Variants in SCARF1 observed in about 807,000 individuals in gnomAD.
SCARF1 encodes scavenger receptor class F member 1.
SCARF1 carries 49 observed loss-of-function variants against 76.3 expected under a neutral mutation model. The ratio of observed to expected loss-of-function variants is 0.64; its 90% CI spans 0.51 to 0.81. The LOEUF is 0.81. Among genes scored for constraint, SCARF1 ranks in the 40% least tolerant of loss-of-function variants. The probability of loss-of-function intolerance (pLI) is 0.00; values close to 1 mark genes in which losing one functional copy is unlikely to be tolerated. For synonymous variants in SCARF1, 495 were observed against 474.6 expected, an observed-to-expected ratio of 1.04 and a Z score of -0.56; for missense variants, 1,098 against 1,143.9, an observed-to-expected ratio of 0.96 and a Z score of 0.58.
In SCARF1 at chr17:1,640,487, C is replaced by A. The variant is rs867414907; in HGVS notation, c.971G>T (p.Gly324Val). 1.3e-6 allele frequency: 2 copies of A among 1,574,828 alleles called. No homozygotes were observed. Among genetic ancestry groups the A allele is most frequent in the South Asian group, 1.2e-5 (1 of 86,842 alleles). The change falls in exon 5 of 11, where the codon GGC becomes GTC. Residue 324 changes from glycine to valine, a missense_variant. By Grantham distance (109) the Gly-to-Val change is moderately radical (BLOSUM62 -3). Transcript: ENST00000263071. This position sits in a 1 kb window ranked among gnomAD's most constrained non-coding sequence, Gnocchi z 4.7. Reference sequence around the variant, plus strand: ...GCCAGGGTCACAGCGCTGACAGTGGCCAGTATCTGGCTCACAGGCCTCCCC... The same window carrying A: ...GCCAGGGTCACAGCGCTGACAGTGGACAGTATCTGGCTCACAGGCCTCCCC... ...RHGEACEPDT[G>V]HCQRCDPGWL... is the part of the protein sequence containing the mutation.
At position 1,635,011 on chromosome 17, in the gene SCARF1, G is replaced by A. The variant is rs775520807; in HGVS notation, c.2240C>T (p.Ser747Phe). 1.2e-6 allele frequency: 2 copies of A among 1,613,906 alleles called. No individual in the cohort carries two copies. Among genetic ancestry groups the A allele is most frequent in the Non-Finnish European group, 1.7e-6 (2 of 1,179,892 alleles). Reference sequence around the variant, plus strand: ...GTTGGGGCTCTGGCCGACAGAGCCAGAGGCAAGGCCAGGGCTGCCCTTTTT... The same window carrying A: ...GTTGGGGCTCTGGCCGACAGAGCCAAAGGCAAGGCCAGGGCTGCCCTTTTT... Reference protein sequence around the residue: ...NRKKGSPGLASGSVGQSPNSA... With the variant: ...NRKKGSPGLAFGSVGQSPNSA... The change falls in exon 11 of 11, where the codon TCT becomes TTT. Residue 747 changes from serine to phenylalanine, a missense_variant. Coordinates refer to ENST00000263071, the MANE Select transcript of SCARF1 (RefSeq NM_003693.4).
At chr17:1,639,553 T>A in intron 7 of SCARF1, 86 bp downstream of exon 7, 30 of 769,942 alleles carry the variant, frequency 3.9e-5, no homozygotes, top group Non-Finnish European at 6.2e-5. Flanking sequence ...GGGCCCAGAC[T>A]CCCTGGTGAG....
In SCARF1 at chr17:1,645,281, C is replaced by T; in HGVS notation, c.102-42G>A. 1 of 1,605,656 alleles carries T rather than the reference C, an allele frequency of 6.2e-7. No individual in the cohort carries two copies. The highest frequency in any genetic ancestry group is 1.1e-5 in the South Asian group (1 of 90,650). On this transcript the variant is annotated intron_variant, in intron 1 of 10. Transcript: ENST00000263071. The surrounding 1 kb of genome is among the most constrained non-coding windows in gnomAD (Gnocchi z 6.3). ...GGTCAGCCGGACATGGTGGGGGGTG[C>T]AGCCTGGCCCTGAGGAAGGTGGATC...
rs1426223596 is a variant in SCARF1 at position 1,644,549 on chromosome 17, C to T, written c.265+285G>A. On this transcript the variant is annotated intron_variant, in intron 3 of 10. Coordinates refer to ENST00000263071, the MANE Select transcript of SCARF1 (RefSeq NM_003693.4). This position sits in a 1 kb window ranked among gnomAD's most constrained non-coding sequence, Gnocchi z 4.8. Reference sequence around the variant, plus strand: ...GTATATGTGGGAAAGGCAAGTAATACACTCATTTTACAATGAAGGGGAATC... The same window carrying T: ...GTATATGTGGGAAAGGCAAGTAATATACTCATTTTACAATGAAGGGGAATC... 1 of 575,926 alleles carries T rather than the reference C, an allele frequency of 1.7e-6. No individual in the cohort carries two copies. Among genetic ancestry groups the T allele is most frequent in the East Asian group, 2.9e-5 (1 of 34,614 alleles). The allele number at this position is 575,926 out of a possible 1,614,324, so 35.7% of individuals were successfully genotyped here. A position where few individuals can be genotyped will look rare whatever the true frequency, so the allele number is the denominator to read the frequency against.
chr17:1,639,805 C>T (rs368688686), intron 6 of SCARF1, 63 bp from the exon 7 acceptor site: 72 of 1,605,808 alleles, frequency 4.5e-5, no homozygotes, highest in East Asian at 4.5e-4. Flanking sequence ...AGGCAGGAGA[C>T]GGGCAGGGAG....
At chr17:1,635,712 TAGGGCAAGGAAG>T (rs1368192800) in intron 10 of SCARF1, 95 bp from the exon 11 acceptor site, 14 of 1,428,992 alleles carry the variant, frequency 9.8e-6, no homozygotes, top group African/African-American at 4.3e-5. Flanking sequence ...GCCTCAAAAA[TAGGGCAAGGAAG>T]AGGGCAAGGA....
At chr17:1,637,372 A>C (rs866827569) in intron 8 of SCARF1, among the ~76,000 whole-genome samples, 22 of 141,538 alleles carry the variant, frequency 1.6e-4, no homozygotes, top group African/African-American at 4.5e-4. Context: ...ATCTATCTAT[A>C]TCTATCCATC....
chr17:1,636,967 C>T lies in SCARF1; in HGVS notation c.1460G>A (p.Ser487Asn). ...TGTCACCCAGGGTAGCTTGTGGGAG[C>T]TGAGGGAACGGCAGGGCAGCGTGGA... ...LGSTLPCRSLSSHKLPWVTVS... is the reference protein window; with the variant it reads ...LGSTLPCRSLNSHKLPWVTVS... Residue 487 changes from serine to asparagine, a missense_variant, in exon 9 of 11, where the codon AGC (serine) becomes AAC (asparagine). Coordinates refer to ENST00000263071, the MANE Select transcript of SCARF1 (RefSeq NM_003693.4). 3 of 1,613,924 alleles carry T rather than the reference C, an allele frequency of 1.9e-6. No homozygotes were observed. The highest frequency in any genetic ancestry group is 2.5e-6 in the Non-Finnish European group (3 of 1,179,996).
At chr17:1,637,370 A>ATC (rs4026394) in intron 8 of SCARF1, among the ~76,000 whole-genome samples, 30 of 123,326 alleles carry the variant, frequency 2.4e-4, no homozygotes, top group African/African-American at 9.1e-4. Context: ...CTATCTATCT[A>ATC]TATCTATCCA....
chr17:1,636,963 G>C lies in SCARF1; in HGVS notation c.1464C>G (p.Ser488=), dbSNP rs763587046. The C allele has an allele frequency of 3.0e-5, 49 of 1,613,970 alleles. No individual in the cohort carries two copies. In the South Asian group the frequency reaches 5.3e-4, roughly 17 times the overall value. The change falls in exon 9 of 11, where the codon TCC becomes TCG. Residue 488 remains serine, a synonymous_variant. Transcript: ENST00000263071. ...GACCTGTCACCCAGGGTAGCTTGTGGGAGCTGAGGGAACGGCAGGGCAGCG... is the reference window on the plus strand; with the variant it reads ...GACCTGTCACCCAGGGTAGCTTGTGCGAGCTGAGGGAACGGCAGGGCAGCG... ...GSTLPCRSLS[S]HKLPWVTVSH...
intron 4 of SCARF1, among the ~76,000 whole-genome samples, chr17:1,641,545 A>G (rs1002651062): frequency 1.8e-4 from 28 of 152,178 alleles, no homozygotes; most frequent in Admixed American, 6.5e-4. Context: ...ATATAATTTC[A>G]CATTTGCCAT....
Position 1,643,915 on chromosome 17 carries a change from G to A in SCARF1, c.318C>T (p.His106=). The part of the protein sequence containing the change: ...GPDCRESCPC[H]PHGQCEPATG... ...TGGCTGGCTCGCACTGGCCGTGCGG[G>A]TGGCAGGGGCAGCTCTCACGGCAGT... The change falls in exon 4 of 11, where the codon CAC becomes CAT. Residue 106 remains histidine (H), a synonymous_variant. Coordinates refer to ENST00000263071, the MANE Select transcript of SCARF1 (RefSeq NM_003693.4). 7.4e-7 allele frequency: 1 copy of A among 1,346,770 alleles called. No homozygotes were observed. 83.4% of individuals were successfully genotyped at this position (1,346,770 alleles called of 1,614,324 possible).
chr17:1,638,785 A>G (rs1909796621), intron 8 of SCARF1, 21 bp downstream of exon 8: 1 of 1,592,446 alleles, frequency 6.3e-7, no homozygotes, highest in East Asian at 2.3e-5. Context: ...CTGTGTGGGG[A>G]AGGGACGGGC....
rs1909324300 is a variant in SCARF1, at chr17:1,634,289, TGAGGCAGGAG to T, written c.*459_*468del. ...CTGTAGTCCCAGCTACTCGGGAGGC[TGAGGCAGGAG>T]AAGGGCGTGAACCCGGGAGGCAGAG... On this transcript the variant is annotated 3_prime_UTR_variant, in exon 11 of 11. Transcript: ENST00000263071. 4.5e-6 allele frequency: 1 copy of T among 222,358 alleles called. No homozygotes were observed. Among genetic ancestry groups the T allele is most frequent in the Non-Finnish European group, 8.6e-6 (1 of 115,826 alleles). 13.8% of individuals were successfully genotyped at this position (222,358 alleles called of 1,614,324 possible).
chr17:1,643,750 G>A lies in SCARF1; in HGVS notation c.483C>T (p.Arg161=). ...EPGWWSSTCR[R]PCQCNTAAAR... ...CCGCCGCGGTGTTGCACTGGCACGG[G>A]CGGCGGCACGTGGACGACCACCAGC... The change falls in exon 4 of 11, where the codon CGC becomes CGT. Residue 161 remains arginine (R), a synonymous_variant. Transcript: ENST00000263071. 2 of 1,295,042 alleles carry A rather than the reference G, an allele frequency of 1.5e-6. No homozygotes were observed. The highest frequency in any genetic ancestry group is 1.9e-6 in the Non-Finnish European group (2 of 1,026,002). The allele number at this position is 1,295,042 out of a possible 1,614,324, so 80.2% of individuals were successfully genotyped here. A position where few individuals can be genotyped will look rare whatever the true frequency, so the allele number is the denominator to read the frequency against.
In SCARF1 at chr17:1,643,492, G is replaced by A. The variant is rs1169044435; in HGVS notation, c.741C>T (p.Arg247=). 7.5e-7 allele frequency: 1 copy of A among 1,336,072 alleles called. No homozygotes were observed. The highest frequency in any genetic ancestry group is 4.0e-5 in the Admixed American group (1 of 25,040). The allele number at this position is 1,336,072 out of a possible 1,614,324, so 82.8% of individuals were successfully genotyped here. Residue 247 remains arginine (R), a synonymous_variant, in exon 4 of 11, where the codon CGC becomes CGT. Transcript: ENST00000263071. The part of the protein sequence containing the change: ...CTCPPGFRGA[R]CELPCPAGSH... ...TGCCTGCCGGGCAGGGCAGCTCGCA[G>A]CGCGCTCCGCGGAAGCCGGGCGGGC...
intron 7 of SCARF1, 91 bp downstream of exon 7, chr17:1,639,548 C>T (rs1230514477): frequency 2.4e-6 from 2 of 836,124 alleles, no homozygotes; most frequent in East Asian, 2.7e-5. Context: ...GAAGTGGGCC[C>T]AGACTCCCTG....
Position 1,635,258 on chromosome 17 carries a change from G to A in SCARF1, c.1993C>T (p.Leu665Phe). The change falls in exon 11 of 11, where the codon CTT (leucine) becomes TTT (phenylalanine). Residue 665 changes from leucine (L) to phenylalanine (F), a missense_variant. Transcript: ENST00000263071. ...DSATGHRRPP[L>F]GGRTVAEHVE... Reference sequence around the variant, plus strand: ...TGCTCAGCCACTGTCCGGCCACCAAGTGGGGGCCGCCGGTGGCCAGTGGCT... The same window carrying A: ...TGCTCAGCCACTGTCCGGCCACCAAATGGGGGCCGCCGGTGGCCAGTGGCT... 1.9e-6 allele frequency: 3 copies of A among 1,611,676 alleles called. No homozygotes were observed. The highest frequency in any genetic ancestry group is 2.5e-6 in the Non-Finnish European group (3 of 1,179,006).
Position 1,640,339 on chromosome 17 carries a change from G to A in SCARF1, c.1010+109C>T. On this transcript the variant is annotated intron_variant, in intron 5 of 10. Transcript: ENST00000263071. The surrounding 1 kb of genome is among the most constrained non-coding windows in gnomAD (Gnocchi z 4.7). ...GTCTTCAACAGGAGGGAGGCCCCTG[G>A]GGCCGCATGAACCTGTGTGTCGGGG... 1 of 1,076,896 alleles carries A rather than the reference G, an allele frequency of 9.3e-7. No homozygotes were observed. The highest frequency in any genetic ancestry group is 1.3e-6 in the Non-Finnish European group (1 of 747,410). 66.7% of individuals were successfully genotyped at this position (1,076,896 alleles called of 1,614,324 possible). A position where few individuals can be genotyped will look rare whatever the true frequency, so the allele number is the denominator to read the frequency against.
Sources: allele counts gnomAD v4.1 joint callset (sites outside exome capture counted in the v4.1 genomes callset), GRCh38; gene constraint gnomAD v4.1.1; non-coding constraint Gnocchi (gnomAD v3.1); transcripts MANE v1.5; gene names NCBI Gene and HGNC (gene_info 2026-07-23, HGNC 2026-07-21).